DISC1: variants seen among roughly 807,000 people sequenced by gnomAD.
DISC1 encodes the protein DISC1 scaffold protein, also known as disrupted in schizophrenia 1 protein.
DISC1 carries 57 observed loss-of-function variants against 84.5 expected under a neutral mutation model. The observed-to-expected ratio is 0.67, with a 90% CI of 0.55 to 0.84. The LOEUF (loss-of-function observed/expected upper bound fraction) is 0.84. Ranked by LOEUF, DISC1 falls within the 40% of genes least tolerant of loss-of-function variation. The probability of loss-of-function intolerance (pLI) is 0.00; values close to 1 mark genes in which losing one functional copy is unlikely to be tolerated. For missense variants in DISC1, 1,000 were observed against 1,057.8 expected (o/e 0.95, Z 0.76); for synonymous variants, 411 against 415.2 (o/e 0.99, Z 0.12).
At chr1:231,866,371 A>G in intron 9 of DISC1, 2 of 584,882 alleles carry the variant, frequency 3.4e-6, no homozygotes, top group South Asian at 2.3e-5. Flanking sequence ...CTTGGATTTA[A>G]TTATCTCTGA....
At position 231,702,006 on chromosome 1, in the gene DISC1, A is replaced by G. The variant is rs1217079753; in HGVS notation, c.1099A>G (p.Asn367Asp). 6.2e-7 allele frequency: 1 copy of G among 1,607,600 alleles called. No homozygotes were observed. Among genetic ancestry groups the G allele is most frequent in the East Asian group, 2.2e-5 (1 of 44,610 alleles). Residue 367 changes from asparagine to aspartate, a missense_variant, in exon 3 of 13, where the codon AAT (asparagine) becomes GAT (aspartate). Asn to Asp is a conservative substitution (Grantham distance 23). Transcript: ENST00000439617. ...GAAACTTCAGGAAGATGCAGTTGAG[A>G]ATGATGATTATGATAAAGGTGAGTT... ...LQKLQEDAVE[N>D]DDYDKAETLQ...
At chr1:231,866,390 C>T (rs1174842774) in intron 9 of DISC1, 12 of 636,516 alleles carry the variant, frequency 1.9e-5, no homozygotes, top group Non-Finnish European at 3.4e-5. Context: ...GAAGTCACTT[C>T]AAGCAGAAAT....
chr1:231,784,558 G>T, intron 6 of DISC1, among the ~76,000 whole-genome samples: 1 of 152,192 alleles, frequency 6.6e-6, no homozygotes. Context: ...TTCCACCCTT[G>T]TTAAAAATTT....
chr1:231,948,100 A>G (rs766333157), intron 9 of DISC1, among the ~76,000 whole-genome samples: 15 of 152,228 alleles, frequency 9.9e-5, no homozygotes, highest in Admixed American at 2.0e-4. Context: ...CAGCAATCCC[A>G]TATACCCAAA....
intron 6 of DISC1, among the ~76,000 whole-genome samples, chr1:231,776,004 C>T (rs1348750172): frequency 6.6e-6 from 1 of 152,004 alleles, no homozygotes; most frequent in Non-Finnish European, 1.5e-5. Context: ...GGATCACATC[C>T]CTCCATGTGG....
intron 9 of DISC1, among the ~76,000 whole-genome samples, chr1:231,882,512 T>C (rs934509923): frequency 6.6e-6 from 1 of 152,242 alleles, no homozygotes; most frequent in Non-Finnish European, 1.5e-5. Flanking sequence ...TCTCTTTGTC[T>C]CACTTCTCCT....
At chr1:231,856,585 G>A (rs200044944) in intron 9 of DISC1, among the ~76,000 whole-genome samples, 7 of 152,158 alleles carry the variant, frequency 4.6e-5, no homozygotes, top group Non-Finnish European at 7.3e-5. Context: ...CCTTCTAGTT[G>A]AAAACCTGCC....
chr1:231,694,334 C>T lies in DISC1; in HGVS notation c.576C>T (p.Gly192=). The change falls in exon 2 of 13, where the codon GGC becomes GGT. Residue 192 remains glycine (G), a synonymous_variant. Transcript: ENST00000439617. ...GCAACAGCTGCAGCCCTGGCTGTGG[C>T]CCTGAGGTCCCCCCAACCCCTCCTG... ...LSSNSCSPGC[G]PEVPPTPPGS... is the part of the protein sequence containing the mutation. 1 of 1,614,240 alleles carries T rather than the reference C, an allele frequency of 6.2e-7. No individual in the cohort carries two copies. The highest frequency in any genetic ancestry group is 8.5e-7 in the Non-Finnish European group (1 of 1,180,036).
intron 3 of DISC1, among the ~76,000 whole-genome samples, chr1:231,726,407 A>C (rs2070705148): frequency 6.6e-6 from 1 of 152,134 alleles, no homozygotes; most frequent in African/African-American, 2.4e-5. Context: ...GGAGGAGCAG[A>C]GCAAATGAGT....
At chr1:231,858,757 A>G (rs1004408004) in intron 9 of DISC1, among the ~76,000 whole-genome samples, 3 of 152,024 alleles carry the variant, frequency 2.0e-5, no homozygotes, top group African/African-American at 7.3e-5. Flanking sequence ...AGAAGTTTCC[A>G]TACCTTCCTG....
chr1:231,758,282 A>C (rs1163466989), intron 4 of DISC1, among the ~76,000 whole-genome samples: 1 of 152,154 alleles, frequency 6.6e-6, no homozygotes, highest in Non-Finnish European at 1.5e-5. Flanking sequence ...ATATAGACAG[A>C]TATCCACATT....
intron 9 of DISC1, among the ~76,000 whole-genome samples, chr1:231,852,931 C>A (rs967726262): frequency 6.6e-6 from 1 of 152,178 alleles, no homozygotes; most frequent in African/African-American, 2.4e-5. Context: ...CAAATTTCAT[C>A]TTGTCATTTA....
chr1:231,886,762 CCTTCCTTTCTTTCTTT>C (rs1482074063), intron 9 of DISC1, among the ~76,000 whole-genome samples: 3,922 of 119,034 alleles, frequency 0.033, 115 homozygotes, highest in Non-Finnish European at 0.033. Context: ...TTTCTTCCTT[CCTTCCTTTCTTTCTTT>C]CTTTCTTTCT....
chr1:231,942,619 T>C (rs1440768356), intron 9 of DISC1, among the ~76,000 whole-genome samples: 1 of 152,010 alleles, frequency 6.6e-6, no homozygotes, highest in African/African-American at 2.4e-5. Flanking sequence ...GAGCCGAGAT[T>C]GCACCACTGC....
At chr1:231,909,351 A>G (rs1318267152) in intron 9 of DISC1, among the ~76,000 whole-genome samples, 6 of 152,204 alleles carry the variant, frequency 3.9e-5, no homozygotes, top group Admixed American at 3.9e-4. Flanking sequence ...TCCCATCAAT[A>G]TCAAGTTTAT....
At chr1:231,708,230 G>A (rs1445306701) in intron 3 of DISC1, among the ~76,000 whole-genome samples, 1 of 152,172 alleles carries the variant, frequency 6.6e-6, no homozygotes, top group East Asian at 1.9e-4. Flanking sequence ...AGGTAGGGAA[G>A]ATCTGTGTTT....
intron 3 of DISC1, chr1:231,723,928 T>A (rs1347787104): frequency 3.0e-5 from 30 of 985,354 alleles, no homozygotes; most frequent in Non-Finnish European, 3.6e-5. Flanking sequence ...ATTCCCTAGG[T>A]CAGTGGCTTT....
At position 232,007,005 on chromosome 1, in the gene DISC1, G is replaced by GACA. The variant is rs1279575167; in HGVS notation, c.2043-1779_2043-1778insCAA. Among the ~76,000 whole-genome samples, 4 of 152,328 alleles carry GACA rather than the reference G, an allele frequency of 2.6e-5. No homozygotes were observed. The South Asian group carries it at 6.2e-4, about 24-fold the overall frequency. On this transcript the variant is annotated intron_variant, in intron 10 of 12. Transcript: ENST00000439617. ...CAGAGGGTCCAAGCCCCAAGCCTTG[G>GACA]AGGCTTACATGTGGTGTTGGACCTG...
chr1:231,717,670 C>T (rs1205438968), intron 3 of DISC1, among the ~76,000 whole-genome samples: 2 of 152,186 alleles, frequency 1.3e-5, no homozygotes, highest in African/African-American at 4.8e-5. Context: ...AATCTTCTCA[C>T]TGCCAAAAGT....
Sources: allele counts gnomAD v4.1 joint callset (sites outside exome capture counted in the v4.1 genomes callset), GRCh38; gene constraint gnomAD v4.1.1; transcripts MANE v1.5; gene names NCBI Gene and HGNC (gene_info 2026-07-23, HGNC 2026-07-21).